Variants in DDAH1 observed in about 807,000 individuals in gnomAD.
The protein encoded by DDAH1 is N(G),N(G)-dimethylarginine dimethylaminohydrolase 1.
A neutral mutation model predicts 28.8 loss-of-function variants in DDAH1; 19 were observed. The ratio of observed to expected loss-of-function variants is 0.66; its 90% CI spans 0.46 to 0.97. The LOEUF is 0.97. Ranked by LOEUF, DDAH1 falls within the 50% of genes least tolerant of loss-of-function variation. The pLI, the probability that DDAH1 is intolerant of heterozygous loss-of-function variation, is 0.00. For synonymous variants in DDAH1, 153 were observed against 154.4 expected, an observed-to-expected ratio of 0.99 and a Z score of 0.07; for missense variants, 326 against 375.9, an observed-to-expected ratio of 0.87 and a Z score of 1.10.
At chr1:85,501,849 T>C (rs1656833956) in intron 1 of DDAH1, among the ~76,000 whole-genome samples, 1 of 152,156 alleles carries the variant, frequency 6.6e-6, no homozygotes, top group Admixed American at 6.5e-5. Flanking sequence ...GAAGCAGAAG[T>C]CCTTCACACT....
chr1:85,351,989 G>A (rs1338903620), intron 2 of DDAH1, among the ~76,000 whole-genome samples: 1 of 152,040 alleles, frequency 6.6e-6, no homozygotes, highest in Admixed American at 6.6e-5. Context: ...TACTACAATA[G>A]GAATGAAATT....
chr1:85,457,402 T>C (rs538506478), intron 1 of DDAH1, among the ~76,000 whole-genome samples: 1 of 152,168 alleles, frequency 6.6e-6, no homozygotes, highest in South Asian at 2.1e-4. Context: ...TGTCATAAAA[T>C]CTGCCCCCGT....
intron 1 of DDAH1, among the ~76,000 whole-genome samples, chr1:85,457,111 G>A (rs924967418): frequency 5.9e-5 from 9 of 152,164 alleles, no homozygotes; most frequent in African/African-American, 2.2e-4. Flanking sequence ...ATACAGTTCT[G>A]TACCTGTTTC....
chr1:85,375,672 TA>T (rs1396804764), intron 1 of DDAH1, among the ~76,000 whole-genome samples: 2 of 152,180 alleles, frequency 1.3e-5, no homozygotes, highest in African/African-American at 4.8e-5. Flanking sequence ...TATGCAGTAT[TA>T]CTCTTTCTGT....
At chr1:85,356,404 C>T (rs1273408597) in intron 2 of DDAH1, among the ~76,000 whole-genome samples, 6 of 152,224 alleles carry the variant, frequency 3.9e-5, no homozygotes, top group African/African-American at 1.4e-4. Flanking sequence ...GGACATAGAG[C>T]ACATAGAAAA....
chr1:85,364,016 T>A (rs949963249), intron 1 of DDAH1, among the ~76,000 whole-genome samples: 2 of 151,830 alleles, frequency 1.3e-5, no homozygotes, highest in African/African-American at 2.4e-5. Flanking sequence ...TCTGAATATA[T>A]AGTGACAATA....
chr1:85,564,684 A>G (rs550036959), intron 1 of DDAH1, among the ~76,000 whole-genome samples: 6 of 152,150 alleles, frequency 3.9e-5, no homozygotes, highest in Admixed American at 3.9e-4. Context: ...CCTGGTCAAC[A>G]TGGTGAAACC....
chr1:85,367,505 T>C (rs1014072018), intron 1 of DDAH1, among the ~76,000 whole-genome samples: 1 of 152,230 alleles, frequency 6.6e-6, no homozygotes, highest in Non-Finnish European at 1.5e-5. Context: ...CTATCATTAA[T>C]AATAAATACA....
intron 1 of DDAH1, among the ~76,000 whole-genome samples, chr1:85,367,934 T>C (rs1431122017): frequency 6.6e-6 from 1 of 152,232 alleles, no homozygotes; most frequent in African/African-American, 2.4e-5. Context: ...TTGAGTTTTC[T>C]GTTAGCTGCA....
chr1:85,372,042 G>T (rs376808258), intron 1 of DDAH1, among the ~76,000 whole-genome samples: 3 of 151,822 alleles, frequency 2.0e-5, no homozygotes, highest in African/African-American at 4.8e-5. Context: ...TAGCTTTTTT[G>T]TGTGTTATTA....
intron 1 of DDAH1, among the ~76,000 whole-genome samples, chr1:85,359,778 T>C (rs1043620167): frequency 6.6e-6 from 1 of 152,182 alleles, no homozygotes; most frequent in Non-Finnish European, 1.5e-5. Flanking sequence ...TGAAAATAAA[T>C]TTCAGGAATT....
intron 1 of DDAH1, among the ~76,000 whole-genome samples, chr1:85,442,335 A>G (rs1472242700): frequency 6.6e-6 from 1 of 152,170 alleles, no homozygotes; most frequent in Non-Finnish European, 1.5e-5. Context: ...AGCTTCATCC[A>G]TGTCCCTACA....
At chr1:85,465,299 T>G, upstream of DDAH1, 2 of 822,718 alleles carry the variant, frequency 2.4e-6, no homozygotes, top group East Asian at 1.2e-4. Flanking sequence ...GCGGGAGTTG[T>G]AGCGGCGAGC....
At chr1:85,468,521 CTTTT>C (rs145367827), upstream of DDAH1, among the ~76,000 whole-genome samples, 1 of 139,042 alleles carries the variant, frequency 7.2e-6, no homozygotes, top group Non-Finnish European at 1.6e-5. Flanking sequence ...GGGAACTCTC[CTTTT>C]TTTTTTTTTT....
In DDAH1 at chr1:85,436,387, A is replaced by G. The variant is rs540920508; in HGVS notation, c.303+28356T>C. The stretch of plus-strand genomic sequence containing the variant: ...CATGTGAATTCACATTAACAAGACA[A>G]AGAGAACATGGGCATAAAATATACT... On this transcript the variant is annotated intron_variant, in intron 1 of 5. Coordinates refer to ENST00000284031, the MANE Select transcript of DDAH1 (RefSeq NM_012137.4). Among the ~76,000 whole-genome samples, 3 of 152,316 alleles carry G rather than the reference A, an allele frequency of 2.0e-5. No individual in the cohort carries two copies. In the East Asian group the frequency reaches 5.8e-4, roughly 29 times the overall value.
intron 1 of DDAH1, among the ~76,000 whole-genome samples, chr1:85,372,471 G>A (rs534719419): frequency 2.2e-4 from 33 of 152,066 alleles, no homozygotes; most frequent in South Asian, 8.3e-4. Flanking sequence ...GAAACATTCC[G>A]GTCAATATTC....
intron 1 of DDAH1, among the ~76,000 whole-genome samples, chr1:85,498,622 A>T (rs1171015469): frequency 2.0e-5 from 3 of 152,216 alleles, no homozygotes; most frequent in Admixed American, 2.0e-4. Context: ...AAAATGAAAT[A>T]TTAAAACATT....
At chr1:85,508,834 G>A (rs574235191) in intron 1 of DDAH1, among the ~76,000 whole-genome samples, 1 of 152,344 alleles carries the variant, frequency 6.6e-6, no homozygotes, top group East Asian at 1.9e-4. Context: ...GAACTGGGTG[G>A]AGCCCACTGC....
intron 4 of DDAH1, among the ~76,000 whole-genome samples, chr1:85,328,890 C>G (rs1647587468): frequency 2.6e-5 from 4 of 152,252 alleles, no homozygotes; most frequent in Admixed American, 2.6e-4. Flanking sequence ...TCCCACCACT[C>G]ATAATCACCA....
Sources: gnomAD v4.1 joint callset for allele counts (sites outside exome capture counted in the v4.1 genomes callset) on GRCh38, gnomAD v4.1.1 for gene constraint, MANE v1.5 for transcripts, NCBI Gene and HGNC (gene_info 2026-07-23, HGNC 2026-07-21) for gene names.